PLEKHG5: variants seen among roughly 807,000 people sequenced by gnomAD.
PLEKHG5 encodes pleckstrin homology domain-containing family G member 5.
A neutral mutation model predicts 103.8 loss-of-function variants in PLEKHG5; 52 were observed. The ratio of observed to expected loss-of-function variants is 0.50; its 90% CI spans 0.40 to 0.63. The LOEUF (loss-of-function observed/expected upper bound fraction) is 0.63. Among genes scored for constraint, PLEKHG5 ranks in the 30% least tolerant of loss-of-function variants. The probability of loss-of-function intolerance (pLI) is 0.00; values close to 1 mark genes in which losing one functional copy is unlikely to be tolerated. For missense variants in PLEKHG5, 1,205 were observed against 1,347.6 expected, an observed-to-expected ratio of 0.89 and a Z score of 1.66; for synonymous variants, 592 against 575.5, an observed-to-expected ratio of 1.03 and a Z score of -0.41.
intron 1 of PLEKHG5, among the ~76,000 whole-genome samples, chr1:6,509,712 A>G (rs903523262): frequency 3.9e-5 from 6 of 152,190 alleles, no homozygotes; most frequent in African/African-American, 9.6e-5. Flanking sequence ...GGCTTGGTTC[A>G]GGGTTAGGCT....
At chr1:6,483,659 C>T (rs373501672) in intron 1 of PLEKHG5, among the ~76,000 whole-genome samples, 82 of 152,244 alleles carry the variant, frequency 5.4e-4, no homozygotes, top group African/African-American at 1.9e-3. Context: ...AGTGAGACCC[C>T]GTCTCAGAAA....
chr1:6,467,426 G>T lies in PLEKHG5; in HGVS notation c.*137C>A. ...GTCCGGCAAAGCGCAAATCGGGCCC[G>T]GGCGTAGGCAGGGATCCTGCCCAGC... On this transcript the variant is annotated 3_prime_UTR_variant, in exon 21 of 21. Transcript: ENST00000377728. The T allele has an allele frequency of 1.1e-6, 1 of 940,158 alleles. No individual in the cohort carries two copies. The highest frequency in any genetic ancestry group is 1.7e-6 in the Non-Finnish European group (1 of 571,822). 58.2% of individuals were successfully genotyped at this position (940,158 alleles called of 1,614,324 possible).
chr1:6,484,581 C>T (rs1338317606), intron 1 of PLEKHG5, among the ~76,000 whole-genome samples: 1 of 152,174 alleles, frequency 6.6e-6, no homozygotes, highest in South Asian at 2.1e-4. Context: ...ACGTCCCACC[C>T]CCAAACCCCA....
intron 1 of PLEKHG5, among the ~76,000 whole-genome samples, chr1:6,489,781 T>C (rs1453396367): frequency 1.3e-5 from 2 of 152,178 alleles, no homozygotes; most frequent in African/African-American, 2.4e-5. Context: ...CAAGAGGGCA[T>C]AGAATTCAGT....
upstream of PLEKHG5, chr1:6,497,126 C>A: frequency 5.0e-6 from 6 of 1,209,062 alleles, no homozygotes; most frequent in Non-Finnish European, 5.8e-6. This position sits in a 1 kb window ranked among gnomAD's most constrained non-coding sequence, Gnocchi z 6.1. Flanking sequence ...CAGCGAGAGG[C>A]GGGGGGAGGG....
At chr1:6,493,196 C>A (rs1645176236), upstream of PLEKHG5, among the ~76,000 whole-genome samples, 1 of 152,168 alleles carries the variant, frequency 6.6e-6, no homozygotes, top group Non-Finnish European at 1.5e-5. Context: ...TGAAATTGGT[C>A]CTTTGCCAGG....
intron 1 of PLEKHG5, among the ~76,000 whole-genome samples, chr1:6,488,823 C>T (rs754863508): frequency 6.6e-6 from 1 of 152,082 alleles, no homozygotes; most frequent in South Asian, 2.1e-4. Context: ...GAGTCAGGGC[C>T]GGCTTGTTGA....
At chr1:6,480,175 G>T (rs1343946647) in intron 1 of PLEKHG5, among the ~76,000 whole-genome samples, 1 of 152,022 alleles carries the variant, frequency 6.6e-6, no homozygotes, top group Non-Finnish European at 1.5e-5. Flanking sequence ...CACTCAATCA[G>T]TTGAGGTCAG....
chr1:6,476,169 TGAG>T (rs1196540261), intron 2 of PLEKHG5, 133 bp from the exon 3 acceptor site: 1 of 750,664 alleles, frequency 1.3e-6, no homozygotes, highest in African/African-American at 1.7e-5. Flanking sequence ...TTCAGTTCTG[TGAG>T]GAGAGGGGCT....
At chr1:6,516,866 G>GTGTGTGTATATATA (rs1288870331) in intron 1 of PLEKHG5, among the ~76,000 whole-genome samples, 12 of 25,822 alleles carry the variant, frequency 4.6e-4, no homozygotes, top group Admixed American at 1.6e-3. Flanking sequence ...GTATATATGT[G>GTGTGTGTATATATA]TATATATATA....
rs768087057 is a variant in PLEKHG5 at position 6,468,504 on chromosome 1, C to A, written c.2332G>T (p.Gly778Cys). The change falls in exon 20 of 21, where the codon GGT (glycine) becomes TGT (cysteine). Residue 778 changes from glycine (G) to cysteine (C), a missense_variant. Gly to Cys is a radical substitution (Grantham distance 159, BLOSUM62 -3). Coordinates refer to ENST00000377728, the MANE Select transcript of PLEKHG5 (RefSeq NM_020631.6). ...TCATCAGACTGGGAGCTGAAAGGACCGCTGTCGAACTCGGGGGAGGACAGC... is the reference window on the plus strand; with the variant it reads ...TCATCAGACTGGGAGCTGAAAGGACAGCTGTCGAACTCGGGGGAGGACAGC... ...DTLSSPEFDS[G>C]PFSSQSDETS... 4.3e-6 allele frequency: 7 copies of A among 1,612,968 alleles called. No individual in the cohort carries two copies. The highest frequency in any genetic ancestry group is 5.1e-6 in the Non-Finnish European group (6 of 1,179,928).
chr1:6,510,500 GAA>G (rs1373906965), intron 1 of PLEKHG5, among the ~76,000 whole-genome samples: 31 of 152,246 alleles, frequency 2.0e-4, no homozygotes, highest in African/African-American at 7.0e-4. Context: ...CTGAGGCAGA[GAA>G]TTGCTTTAAC....
Position 6,471,107 on chromosome 1 carries a change from C to G in PLEKHG5, c.1282-7G>C, listed in dbSNP as rs780551776. ...GCTTGAAGAGCGAGCCGAACTGGCC[C>G]GGGGCAGAACAACCACGGCGCCGGT... On this transcript the variant is annotated splice_region_variant and splice_polypyrimidine_tract_variant and intron_variant, in intron 12 of 20. Transcript: ENST00000377728. The G allele has an allele frequency of 1.1e-5, 17 of 1,569,814 alleles. No homozygotes were observed. Among genetic ancestry groups the G allele is most frequent in the Non-Finnish European group, 1.5e-5 (17 of 1,158,306 alleles).
intron 1 of PLEKHG5, among the ~76,000 whole-genome samples, chr1:6,509,648 G>C (rs1638421251): frequency 6.6e-6 from 1 of 152,200 alleles, no homozygotes; most frequent in Non-Finnish European, 1.5e-5. Flanking sequence ...CAACCACCCT[G>C]GATGACCCCT....
chr1:6,511,342 GCAC>G (rs936016483), intron 1 of PLEKHG5, among the ~76,000 whole-genome samples: 32 of 152,290 alleles, frequency 2.1e-4, no homozygotes, highest in African/African-American at 7.2e-4. Flanking sequence ...AAGAGGACAG[GCAC>G]CACCAACAAG....
chr1:6,511,086 C>CA lies in PLEKHG5; in HGVS notation c.-165+8358dup, dbSNP rs34803463. Among the ~76,000 whole-genome samples, 1,062 of 142,890 alleles carry CA rather than the reference C, an allele frequency of 7.4e-3. 6 individuals are homozygous for CA. The highest frequency in any genetic ancestry group is 0.023 in the South Asian group (103 of 4,472). 93.7% of individuals were successfully genotyped at this position (142,890 alleles called of 152,430 possible). On this transcript the variant is annotated intron_variant, in intron 1 of 21. Transcript: ENST00000377740. Reference sequence around the variant, plus strand: ...CCTCAGCGACCGAGTGAAACTGTGTCAAAAAAAAAAAAAAGTTAAACAATT... The same window carrying CA: ...CCTCAGCGACCGAGTGAAACTGTGTCAAAAAAAAAAAAAAAGTTAAACAATT...
chr1:6,468,250 G>C lies in PLEKHG5; in HGVS notation c.2586C>G (p.Thr862=). 1 of 1,602,148 alleles carries C rather than the reference G, an allele frequency of 6.2e-7. No individual in the cohort carries two copies. The highest frequency in any genetic ancestry group is 8.5e-7 in the Non-Finnish European group (1 of 1,172,456). The change falls in exon 20 of 21, where the codon ACC becomes ACG. Residue 862 remains threonine (T), a synonymous_variant. Coordinates refer to ENST00000377728, the MANE Select transcript of PLEKHG5 (RefSeq NM_020631.6). ...GCGGGCAGCTCAACAGCTGGACAGG[G>C]GTGCGGCGGCGGAGACGGGGCGAGG... is the stretch of plus-strand genomic sequence containing the variant. ...PPPSPRLRRR[T]PVQLLSCPPH...
chr1:6,517,289 A>C (rs893590145), intron 1 of PLEKHG5, among the ~76,000 whole-genome samples: 1 of 147,550 alleles, frequency 6.8e-6, no homozygotes, highest in Admixed American at 6.8e-5. Context: ...CCTGGGTGAC[A>C]GAGTGAGACT....
At chr1:6,471,167 G>A in intron 12 of PLEKHG5, 67 bp from the exon 13 acceptor site, 1 of 1,323,486 alleles carries the variant, frequency 7.6e-7, no homozygotes, top group Non-Finnish European at 1.1e-6. Flanking sequence ...CCCGCGCCAG[G>A]CGCTGCGCAA....
Sources: allele counts gnomAD v4.1 joint callset (sites outside exome capture counted in the v4.1 genomes callset), GRCh38; gene constraint gnomAD v4.1.1; non-coding constraint Gnocchi (gnomAD v3.1); transcripts MANE v1.5; gene names NCBI Gene and HGNC (gene_info 2026-07-23, HGNC 2026-07-21).